The following ZFHX3 variants were observed in gnomAD, a reference collection of about 807,000 sequenced individuals.
ZFHX3 encodes zinc finger homeobox 3.
In ZFHX3, 42 loss-of-function variants were observed where a neutral mutation model predicts 279.1. That is an observed-to-expected ratio of 0.15 (90% CI 0.12 to 0.19). The LOEUF (loss-of-function observed/expected upper bound fraction) is 0.19. Ranked by LOEUF, ZFHX3 falls within the 10% of genes least tolerant of loss-of-function variation. The pLI, the probability that ZFHX3 is intolerant of heterozygous loss-of-function variation, is 1.00. For missense variants in ZFHX3, 4,981 were observed against 4,754.0 expected (o/e 1.05, Z -1.40); for synonymous variants, 2,293 against 1,957.8 (o/e 1.17, Z -4.52).
intron 4 of ZFHX3, among the ~76,000 whole-genome samples, chr16:72,879,756 C>G (rs1311538400): frequency 6.6e-6 from 1 of 152,216 alleles, no homozygotes; most frequent in East Asian, 1.9e-4. Context: ...ATCCCTCCAA[C>G]AGGAGCCTAA....
chr16:73,722,786 A>T (rs1040839724), intron 1 of ZFHX3, among the ~76,000 whole-genome samples: 1 of 152,222 alleles, frequency 6.6e-6, no homozygotes, highest in African/African-American at 2.4e-5. Context: ...GAGATCCCAA[A>T]TCTCTCTGGA....
intron 1 of ZFHX3, among the ~76,000 whole-genome samples, chr16:73,781,571 A>G (rs530949022): frequency 1.1e-4 from 17 of 152,366 alleles, no homozygotes; most frequent in African/African-American, 3.8e-4. Flanking sequence ...TGTGGCCTCC[A>G]AAGTTAAAAA....
chr16:72,931,405 A>ACG (rs1491384747), intron 3 of ZFHX3, among the ~76,000 whole-genome samples: 111 of 4,250 alleles, frequency 0.026, 2 homozygotes, highest in African/African-American at 0.18. Context: ...TTATTTCATT[A>ACG]CACACACACA....
At position 73,067,088 on chromosome 16, in the gene ZFHX3, C is replaced by T. The variant is rs537857805; in HGVS notation, c.-532-8076G>A. Among the ~76,000 whole-genome samples, 4 of 152,244 alleles carry T rather than the reference C, an allele frequency of 2.6e-5. No individual in the cohort carries two copies. In the East Asian group the frequency reaches 7.8e-4, roughly 30 times the overall value. On this transcript the variant is annotated intron_variant, in intron 8 of 17. Coordinates refer to the ZFHX3 transcript ENST00000641206. The stretch of plus-strand genomic sequence containing the variant: ...TCCAAGGCAGACCAGAAACCGGGCC[C>T]GCCAAGGAGGCGGGAGTGGGTGTGT...
chr16:73,485,190 G>T lies in ZFHX3; in HGVS notation c.-1546-28932C>A, dbSNP rs1261014359. ...AATGAGTAAGAGGAAACGGCAACTTGCTTGCACAATGTCAGTGCAGGTGGG... is the reference window on the plus strand; with the variant it reads ...AATGAGTAAGAGGAAACGGCAACTTTCTTGCACAATGTCAGTGCAGGTGGG... On this transcript the variant is annotated intron_variant, in intron 2 of 17. Coordinates refer to the ZFHX3 transcript ENST00000641206. 3.3e-5 allele frequency among the ~76,000 whole-genome samples: 5 copies of T among 152,272 alleles called. 1 individual carries two copies. The highest frequency in any genetic ancestry group is 9.6e-5 in the African/African-American group (4 of 41,566).
At chr16:73,233,792 T>C (rs966215409) in intron 5 of ZFHX3, 1 of 152,232 alleles carries the variant, frequency 6.6e-6, no homozygotes, top group Admixed American at 6.5e-5. Flanking sequence ...TTGGGGCTCT[T>C]TAAGGATTTC....
chr16:72,888,894 G>T (rs1319119151), intron 4 of ZFHX3, among the ~76,000 whole-genome samples: 1 of 152,180 alleles, frequency 6.6e-6, no homozygotes, highest in Non-Finnish European at 1.5e-5. Flanking sequence ...ACAGTGTGGG[G>T]CCTAGGATGA....
chr16:73,206,974 C>T (rs552780494), intron 5 of ZFHX3, among the ~76,000 whole-genome samples: 11 of 151,278 alleles, frequency 7.3e-5, no homozygotes, highest in Admixed American at 6.6e-4. Flanking sequence ...GCTGAGATCA[C>T]GCCACTGCAC....
chr16:73,281,288 T>C (rs1368945338), intron 4 of ZFHX3, among the ~76,000 whole-genome samples: 1 of 152,166 alleles, frequency 6.6e-6, no homozygotes, highest in Non-Finnish European at 1.5e-5. Flanking sequence ...CAATGGAATA[T>C]TATTCAGCCC....
chr16:73,537,872 A>G (rs1469123577), intron 2 of ZFHX3, among the ~76,000 whole-genome samples: 3 of 152,220 alleles, frequency 2.0e-5, no homozygotes, highest in African/African-American at 4.8e-5. Context: ...CCTATGGACT[A>G]TCAAGCCACA....
intron 3 of ZFHX3, among the ~76,000 whole-genome samples, chr16:73,325,908 CACACACACACACACACACAA>C (rs1290608822): frequency 9.3e-6 from 1 of 107,558 alleles, no homozygotes; most frequent in Non-Finnish European, 2.1e-5. Context: ...CACAAACACA[CACACACACACACACACACAA>C]ACACACACAC....
At chr16:72,965,158 C>T (rs1323358403) in intron 1 of ZFHX3, among the ~76,000 whole-genome samples, 2 of 152,220 alleles carry the variant, frequency 1.3e-5, no homozygotes, top group African/African-American at 2.4e-5. Context: ...GGATTACAGG[C>T]GTGAGCCACC....
chr16:73,441,137 C>T (rs1421572269), intron 3 of ZFHX3, among the ~76,000 whole-genome samples: 1 of 152,004 alleles, frequency 6.6e-6, no homozygotes, highest in African/African-American at 2.4e-5. Context: ...AATGGTACCC[C>T]AGTGCCCTGA....
At chr16:73,364,056 C>T (rs1056514718) in intron 3 of ZFHX3, among the ~76,000 whole-genome samples, 2 of 151,992 alleles carry the variant, frequency 1.3e-5, no homozygotes, top group Non-Finnish European at 2.9e-5. Context: ...GCCTGTCATC[C>T]CAGCTACTTG....
At chr16:73,602,576 C>T (rs1314493698) in intron 2 of ZFHX3, among the ~76,000 whole-genome samples, 1 of 152,136 alleles carries the variant, frequency 6.6e-6, no homozygotes, top group Non-Finnish European at 1.5e-5. Flanking sequence ...CATGTAAAGC[C>T]TCAACCTCTA....
chr16:73,108,372 G>T (rs567291694), intron 7 of ZFHX3, among the ~76,000 whole-genome samples: 10 of 151,860 alleles, frequency 6.6e-5, no homozygotes, highest in Middle Eastern at 3.4e-3. Context: ...ATGATGATGA[G>T]GAGGAGGAAG....
chr16:73,262,555 A>G (rs566917572), intron 4 of ZFHX3, among the ~76,000 whole-genome samples: 14 of 150,614 alleles, frequency 9.3e-5, no homozygotes, highest in Non-Finnish European at 1.8e-4. Context: ...TATTTTCCAG[A>G]TGATGAGACA....
chr16:73,021,272 G>C (rs1964288727), intron 1 of ZFHX3, among the ~76,000 whole-genome samples: 1 of 152,134 alleles, frequency 6.6e-6, no homozygotes, highest in East Asian at 1.9e-4. Flanking sequence ...TGCTGAGCTG[G>C]CCAGCCCAGC....
chr16:73,304,578 G>A (rs972596859), intron 4 of ZFHX3, among the ~76,000 whole-genome samples: 6 of 152,140 alleles, frequency 3.9e-5, no homozygotes, highest in Non-Finnish European at 7.4e-5. Context: ...GCATGCTCCC[G>A]TCTCGCCTGT....
Sources: allele counts gnomAD v4.1 joint callset (sites outside exome capture counted in the v4.1 genomes callset), GRCh38; gene constraint gnomAD v4.1.1; transcripts MANE v1.5; gene names NCBI Gene and HGNC (gene_info 2026-07-23, HGNC 2026-07-21).